The following POLR1A variants were observed in gnomAD, a reference collection of about 807,000 sequenced individuals.
POLR1A encodes the protein RNA polymerase I subunit A.
A neutral mutation model predicts 205.3 loss-of-function variants in POLR1A; 84 were observed. The ratio of observed to expected loss-of-function variants is 0.41; its 90% CI spans 0.34 to 0.49. The LOEUF is 0.49. Ranked by LOEUF, POLR1A falls within the 20% of genes least tolerant of loss-of-function variation. The pLI is 0.22. For synonymous variants in POLR1A, 799 were observed against 863.7 expected (o/e 0.93, Z 1.31); for missense variants, 1,645 against 2,204.5 (o/e 0.75, Z 5.08).
Position 86,088,580 on chromosome 2 carries a change from T to C in POLR1A, c.716A>G (p.Asp239Gly). ...AMVHRTAGQK[D>G]SEPLGIEEAQ... ...AGCCTGCTCACCCAGGGGCTCAGAG[T>C]CCTTCTGGCCAGCTGTCCTGTGCAC... Residue 239 changes from aspartate to glycine, a missense_variant, in exon 6 of 34, where the codon GAC (aspartate) becomes GGC (glycine). Physicochemically the swap from Asp to Gly is moderately conservative, Grantham distance 94 (BLOSUM62 -1). Coordinates refer to ENST00000263857, the MANE Select transcript of POLR1A (RefSeq NM_015425.6). 6.2e-7 allele frequency: 1 copy of C among 1,612,954 alleles called. No individual in the cohort carries two copies. The highest frequency in any genetic ancestry group is 8.5e-7 in the Non-Finnish European group (1 of 1,178,912).
chr2:86,049,748 C>A (rs1344544100), intron 16 of POLR1A, among the ~76,000 whole-genome samples: 1 of 152,222 alleles, frequency 6.6e-6, no homozygotes, highest in African/African-American at 2.4e-5. Flanking sequence ...CACACCCGAG[C>A]CTGGGTGACA....
intron 25 of POLR1A, chr2:86,040,155 G>T (rs3770086): frequency 0.022 from 8,577 of 385,986 alleles, 294 homozygotes; most frequent in East Asian, 0.12. Flanking sequence ...CCCCAGGAAC[G>T]TGGATGCAGG....
intron 14 of POLR1A, 83 bp downstream of exon 14, chr2:86,065,191 C>A: frequency 8.1e-7 from 1 of 1,232,010 alleles, no homozygotes; most frequent in East Asian, 2.3e-5. Context: ...TGTCTCTGGT[C>A]TGGACTCTTC....
chr2:86,033,275 C>T (rs1167429804), intron 28 of POLR1A, among the ~76,000 whole-genome samples: 1 of 152,278 alleles, frequency 6.6e-6, no homozygotes, highest in Non-Finnish European at 1.5e-5. Flanking sequence ...TGGTGGGCCT[C>T]AGTTCATCTT....
At chr2:86,085,964 G>A (rs1673497203) in intron 6 of POLR1A, among the ~76,000 whole-genome samples, 1 of 152,198 alleles carries the variant, frequency 6.6e-6, no homozygotes, top group South Asian at 2.1e-4. Flanking sequence ...TGGAGCACAG[G>A]GAGCGCACTG....
intron 6 of POLR1A, among the ~76,000 whole-genome samples, chr2:86,086,609 G>C (rs1184286722): frequency 6.6e-6 from 1 of 152,206 alleles, no homozygotes; most frequent in Non-Finnish European, 1.5e-5. Flanking sequence ...ATAAATGTGT[G>C]CTAAATACTG....
intron 4 of POLR1A, among the ~76,000 whole-genome samples, 189 bp downstream of exon 4, chr2:86,089,633 A>G (rs1673565848): frequency 6.6e-6 from 1 of 152,236 alleles, no homozygotes; most frequent in South Asian, 2.1e-4. Flanking sequence ...GGCAGGCATT[A>G]GAGATTAGAT....
At chr2:86,100,238 G>A in intron 1 of POLR1A, 66 bp from the exon 2 acceptor site, 1 of 1,211,736 alleles carries the variant, frequency 8.3e-7, no homozygotes, top group Non-Finnish European at 1.2e-6. Context: ...TTCCTTTCCA[G>A]CACAAACCTA....
intron 11 of POLR1A, among the ~76,000 whole-genome samples, chr2:86,076,604 C>G (rs1673288346): frequency 6.6e-6 from 1 of 152,222 alleles, no homozygotes; most frequent in South Asian, 2.1e-4. Context: ...ACGCCCCAGG[C>G]CACCATGGCC....
At position 86,095,218 on chromosome 2, in the gene POLR1A, C is replaced by G. The variant is rs183704104; in HGVS notation, c.432+3393G>C. Among the ~76,000 whole-genome samples the G allele has an allele frequency of 3.9e-3, 601 of 152,268 alleles. 11 individuals carry two copies. Among genetic ancestry groups the G allele is most frequent in the South Asian group, 0.039 (188 of 4,820 alleles). ...GGGGAATCCCAGCTTGCTCTGCCCA[C>G]CTAATGTCTTCGGGACTGAAGCATC... is the stretch of plus-strand genomic sequence containing the variant. On this transcript the variant is annotated intron_variant, in intron 3 of 33. Coordinates refer to ENST00000263857, the MANE Select transcript of POLR1A (RefSeq NM_015425.6).
intron 3 of POLR1A, among the ~76,000 whole-genome samples, chr2:86,094,099 T>A (rs1673658796): frequency 6.6e-6 from 1 of 152,226 alleles, no homozygotes; most frequent in African/African-American, 2.4e-5. Flanking sequence ...TGCTTCACTT[T>A]GATCACTTGA....
chr2:86,093,736 GGGAGATCGC>G (rs965838100), intron 3 of POLR1A, among the ~76,000 whole-genome samples: 3 of 152,158 alleles, frequency 2.0e-5, no homozygotes, highest in Non-Finnish European at 4.4e-5. Flanking sequence ...AGGCTGAGGT[GGGAGATCGC>G]TTGAACCCCG....
rs575525965 is a variant in POLR1A, at chr2:86,070,701, C to A, written c.1612-429G>T. 2.8e-5 allele frequency among the ~76,000 whole-genome samples: 3 copies of A among 108,542 alleles called. No individual in the cohort carries two copies. Among genetic ancestry groups the A allele is most frequent in the African/African-American group, 7.7e-5 (2 of 26,104 alleles). 71.2% of individuals were successfully genotyped at this position (108,542 alleles called of 152,430 possible). ...GCATTGGCAGACTTTCGAATCCCCC[C>A]CCCGCCGTGATCACATGTGAGTACA... On this transcript the variant is annotated intron_variant, in intron 12 of 33. Coordinates refer to ENST00000263857, the MANE Select transcript of POLR1A (RefSeq NM_015425.6). This position sits in a 1 kb window ranked among gnomAD's most constrained non-coding sequence, Gnocchi z 4.4.
Position 86,094,856 on chromosome 2 carries a change from G to A in POLR1A, c.432+3755C>T, listed in dbSNP as rs187090030. On this transcript the variant is annotated intron_variant, in intron 3 of 33. Coordinates refer to ENST00000263857, the MANE Select transcript of POLR1A (RefSeq NM_015425.6). ...CCACTGTCATCCCCTCCTCGGTGTG[G>A]AGCCCTCACCCAAATTGGGCTCAAG... Among the ~76,000 whole-genome samples, 4 of 152,030 alleles carry A rather than the reference G, an allele frequency of 2.6e-5. No homozygotes were observed. The East Asian group carries it at 7.8e-4, about 29-fold the overall frequency.
rs1427678263 is a variant in POLR1A, at chr2:86,100,153, T to C, written c.97A>G (p.Ile33Val). Residue 33 changes from isoleucine to valine, a missense_variant, in exon 2 of 34, where the codon ATT (isoleucine) becomes GTT (valine). This residue lies in a region of POLR1A where 330 missense variants were observed against 375.6 expected (regional missense o/e 0.88). Transcript: ENST00000263857. ...CTGTCCAGGTATCGAGGGTTCGTAA[T>C]GGATTTAACACTTAATTTCCTAAGG... ...EELKKLSVKS[I>V]TNPRYLDSLG... The C allele has an allele frequency of 1.9e-6, 3 of 1,613,804 alleles. No homozygotes were observed. Among genetic ancestry groups the C allele is most frequent in the Non-Finnish European group, 8.5e-7 (1 of 1,179,712 alleles).
intron 22 of POLR1A, among the ~76,000 whole-genome samples, chr2:86,043,781 T>A (rs1293820986): frequency 1.3e-5 from 2 of 152,206 alleles, no homozygotes; most frequent in Non-Finnish European, 2.9e-5. Flanking sequence ...GATACTCAGT[T>A]GCCTCAGCTG....
intron 3 of POLR1A, among the ~76,000 whole-genome samples, 160 bp from the exon 4 acceptor site, chr2:86,090,089 C>T (rs1318002300): frequency 1.3e-5 from 2 of 152,046 alleles, no homozygotes; most frequent in East Asian, 1.9e-4. Context: ...GAGACAGCAT[C>T]GCTGTTGAAA....
At chr2:86,027,555 G>T in intron 33 of POLR1A, 32 bp from the exon 34 acceptor site, 1 of 1,573,314 alleles carries the variant, frequency 6.4e-7, no homozygotes, top group Non-Finnish European at 8.7e-7. Flanking sequence ...GTGTCAGGGT[G>T]TTGAGGTAGA....
At chr2:86,045,401 G>C in intron 20 of POLR1A, 41 bp from the exon 21 acceptor site, 2 of 1,507,004 alleles carry the variant, frequency 1.3e-6, no homozygotes, top group South Asian at 2.3e-5. Flanking sequence ...TGACAGTGAG[G>C]ACAGTGCGCT....
Sources: allele counts gnomAD v4.1 joint callset (sites outside exome capture counted in the v4.1 genomes callset), GRCh38; gene constraint gnomAD v4.1.1; regional missense constraint gnomAD v4.1.1; non-coding constraint Gnocchi (gnomAD v3.1); transcripts MANE v1.5; gene names NCBI Gene and HGNC (gene_info 2026-07-23, HGNC 2026-07-21).